GRIP2: variants seen among roughly 807,000 people sequenced by gnomAD.
GRIP2 encodes the protein glutamate receptor-interacting protein 2.
Under a neutral mutation model 108.3 loss-of-function variants are expected in GRIP2, and 58 were observed. That is an observed-to-expected ratio of 0.54 (90% confidence interval 0.43 to 0.67). The LOEUF (loss-of-function observed/expected upper bound fraction) is 0.67. Among genes scored for constraint, GRIP2 ranks in the 30% least tolerant of loss-of-function variants. The probability of loss-of-function intolerance (pLI) is 0.00; values close to 1 mark genes in which losing one functional copy is unlikely to be tolerated. For missense variants in GRIP2, 1,278 were observed against 1,430.6 expected (o/e 0.89, Z 1.72); for synonymous variants, 586 against 598.2 (o/e 0.98, Z 0.30).
chr3:14,523,546 C>T (rs928274929), intron 5 of GRIP2, 66 bp downstream of exon 5: 27 of 1,004,730 alleles, frequency 2.7e-5, no homozygotes, highest in Non-Finnish European at 3.7e-5. Context: ...CCAAACAGCA[C>T]ACACATGGAA....
chr3:14,537,572 A>C (rs1694862821), intron 1 of GRIP2, among the ~76,000 whole-genome samples: 1 of 152,240 alleles, frequency 6.6e-6, no homozygotes. Flanking sequence ...ATGAGAATCA[A>C]AGAGGTGGAA....
rs757738142 is a variant in GRIP2 at position 14,520,174 on chromosome 3, C to T, written c.966G>A (p.Glu322=). ...EATKLLASIS[E]KVRLEILPVP... is the part of the protein sequence containing the mutation. ...CAGGCAGGATCTCCAGCCGCACCTTCTCTGAAATGCTGGCCAGGAGCTTGG... is the reference window on the plus strand; with the variant it reads ...CAGGCAGGATCTCCAGCCGCACCTTTTCTGAAATGCTGGCCAGGAGCTTGG... The change falls in exon 9 of 24, where the codon GAG becomes GAA. Residue 322 remains glutamate (E), a synonymous_variant. Coordinates refer to ENST00000621039, the MANE Select transcript of GRIP2 (RefSeq NM_001080423.4). 31 of 1,612,624 alleles carry T rather than the reference C, an allele frequency of 1.9e-5. No individual in the cohort carries two copies. The highest frequency in any genetic ancestry group is 2.7e-5 in the African/African-American group (2 of 74,912).
At position 14,521,545 on chromosome 3, in the gene GRIP2, G is replaced by T; in HGVS notation, c.712+97C>A. The T allele has an allele frequency of 7.5e-7, 1 of 1,324,702 alleles. No homozygotes were observed. The highest frequency in any genetic ancestry group is 1.0e-6 in the Non-Finnish European group (1 of 976,522). 82.1% of individuals were successfully genotyped at this position (1,324,702 alleles called of 1,614,324 possible). On this transcript the variant is annotated intron_variant, in intron 7 of 23. Coordinates refer to ENST00000621039, the MANE Select transcript of GRIP2 (RefSeq NM_001080423.4). The surrounding 1 kb of genome is among the most constrained non-coding windows in gnomAD (Gnocchi z 5.1). ...GACTGGCCCAAGGTCATAAGGTCAT[G>T]CAGCCTTTGCAGTGGTAAAGATCCA...
chr3:14,548,737 G>C (rs1213546543), intron 1 of GRIP2, among the ~76,000 whole-genome samples: 1 of 152,230 alleles, frequency 6.6e-6, no homozygotes, highest in Non-Finnish European at 1.5e-5. Context: ...AATCCTATGG[G>C]ATAGACATTG....
Position 14,511,850 on chromosome 3 carries a change from G to A in GRIP2, c.1721-371C>T, listed in dbSNP as rs147338157. Among the ~76,000 whole-genome samples the A allele has an allele frequency of 4.8e-3, 730 of 152,296 alleles. 5 individuals are homozygous for A. The highest frequency in any genetic ancestry group is 0.017 in the Middle Eastern group (5 of 294). ...GCTTGGTGTCTGTGTCCCCAGCACCGGGCTCAGGGCCAGCACCCAGGCTCT... is the reference window on the plus strand; with the variant it reads ...GCTTGGTGTCTGTGTCCCCAGCACCAGGCTCAGGGCCAGCACCCAGGCTCT... On this transcript the variant is annotated intron_variant, in intron 14 of 23. Coordinates refer to ENST00000621039, the MANE Select transcript of GRIP2 (RefSeq NM_001080423.4). The surrounding 1 kb of genome is among the most constrained non-coding windows in gnomAD (Gnocchi z 4.1).
At chr3:14,588,503 T>C in the GRIP2 span, among the ~76,000 whole-genome samples, 1 of 152,016 alleles carries the variant, frequency 6.6e-6, no homozygotes. Flanking sequence ...GGGTGGCCTC[T>C]CCTGGGACCC....
At position 14,555,746 on chromosome 3, in the gene GRIP2, G is replaced by A. The variant is rs953511655; in HGVS notation, c.55+154C>T. 1.8e-5 allele frequency: 7 copies of A among 398,256 alleles called. No individual in the cohort carries two copies. The East Asian group carries it at 1.8e-4, about 10-fold the overall frequency. The allele number at this position is 398,256 out of a possible 1,614,324, so 24.7% of individuals were successfully genotyped here. A position where few individuals can be genotyped will look rare whatever the true frequency, so the allele number is the denominator to read the frequency against. On this transcript the variant is annotated intron_variant, in intron 1 of 23. Coordinates refer to the GRIP2 transcript ENST00000637182. ...ACTGGGAAGGGAACTGGAGTGATCT[G>A]GGACAGAGACACGGAGGGAGAGAGA...
chr3:14,577,777 T>TG, the GRIP2 span, among the ~76,000 whole-genome samples: 2,360 of 152,306 alleles, frequency 0.015, 62 homozygotes, highest in African/African-American at 0.054. Flanking sequence ...CATGTGAGGC[T>TG]GGGGGTCCCA....
chr3:14,510,652 G>A (rs938637556), intron 16 of GRIP2, among the ~76,000 whole-genome samples: 2 of 152,114 alleles, frequency 1.3e-5, no homozygotes, highest in Non-Finnish European at 2.9e-5. Flanking sequence ...TTGGTGATTT[G>A]GAGGCTGCCC....
At chr3:14,535,198 G>C (rs776094844) in intron 1 of GRIP2, among the ~76,000 whole-genome samples, 1 of 152,162 alleles carries the variant, frequency 6.6e-6, no homozygotes, top group Non-Finnish European at 1.5e-5. Flanking sequence ...AGCCAGCTTC[G>C]CCCCACCATG....
intron 1 of GRIP2, among the ~76,000 whole-genome samples, chr3:14,550,069 G>T (rs1005101194): frequency 6.6e-6 from 1 of 152,178 alleles, no homozygotes; most frequent in Non-Finnish European, 1.5e-5. Context: ...CAGGGTTTGG[G>T]GGTGGGCCCT....
intron 4 of GRIP2, 25 bp downstream of exon 4, chr3:14,524,368 A>G (rs17039738): frequency 0.026 from 42,399 of 1,603,464 alleles, 1,499 homozygotes; most frequent in African/African-American, 0.17. Flanking sequence ...GCAGTGGAGA[A>G]AGTTCCCCGT....
intron 21 of GRIP2, among the ~76,000 whole-genome samples, chr3:14,501,353 A>G (rs1247289162): frequency 6.6e-6 from 1 of 152,250 alleles, no homozygotes; most frequent in Admixed American, 6.5e-5. Flanking sequence ...TATAAATTTT[A>G]TATATGAATT....
In GRIP2 at chr3:14,520,512, G is replaced by A. The variant is rs778518860; in HGVS notation, c.738C>T (p.Pro246=). 6.2e-7 allele frequency: 1 copy of A among 1,613,970 alleles called. No individual in the cohort carries two copies. The highest frequency in any genetic ancestry group is 1.7e-5 in the Admixed American group (1 of 60,028). Residue 246 remains proline, a synonymous_variant, in exon 8 of 24, where the codon CCC becomes CCT. Transcript: ENST00000621039. ...GCGTCTTGACTATTTCCACCATCAA[G>A]GGTCCCGAAGCATTAGCCACCGTGT... ...TPDTVANASG[P]LMVEIVKTPG...
chr3:14,551,534 T>C (rs1003487896), intron 1 of GRIP2, among the ~76,000 whole-genome samples: 14 of 152,134 alleles, frequency 9.2e-5, no homozygotes, highest in African/African-American at 3.4e-4. Flanking sequence ...GAGACTGTCC[T>C]GTGGGGAGCG....
At position 14,505,315 on chromosome 3, in the gene GRIP2, G is replaced by C. The variant is rs914254071; in HGVS notation, c.2573+300C>G. 3.3e-5 allele frequency among the ~76,000 whole-genome samples: 5 copies of C among 152,130 alleles called. No individual in the cohort carries two copies. Among genetic ancestry groups the C allele is most frequent in the Non-Finnish European group, 5.9e-5 (4 of 68,004 alleles). On this transcript the variant is annotated intron_variant, in intron 20 of 23. Transcript: ENST00000621039. The surrounding 1 kb of genome is among the most constrained non-coding windows in gnomAD (Gnocchi z 4.2). ...TCTGGGGTAAGTCAGGTGGGCCTGG[G>C]TTCAAGTTCTGAGTCTGCTGCTCTT...
At chr3:14,567,220 G>T in the GRIP2 span, among the ~76,000 whole-genome samples, 1 of 152,128 alleles carries the variant, frequency 6.6e-6, no homozygotes, top group East Asian at 1.9e-4. Flanking sequence ...TCATACCCAG[G>T]ACTCTTGGTT....
the GRIP2 span, among the ~76,000 whole-genome samples, chr3:14,599,040 C>T: frequency 0.22 from 33,192 of 152,048 alleles, 3,790 homozygotes; most frequent in East Asian, 0.42. Context: ...CTTCATATCA[C>T]TGATGACTCT....
the GRIP2 span, among the ~76,000 whole-genome samples, chr3:14,575,632 G>A: frequency 2.0e-5 from 3 of 152,234 alleles, no homozygotes; most frequent in Non-Finnish European, 2.9e-5. Context: ...GTGGGAGCTC[G>A]TCACTAGTCA....
Sources: allele counts gnomAD v4.1 joint callset (sites outside exome capture counted in the v4.1 genomes callset), GRCh38; gene constraint gnomAD v4.1.1; non-coding constraint Gnocchi (gnomAD v3.1); transcripts MANE v1.5; gene names NCBI Gene and HGNC (gene_info 2026-07-23, HGNC 2026-07-21).